Variants in CRYBA4 observed in about 807,000 individuals in gnomAD.
CRYBA4 encodes crystallin beta A4, also known as beta-crystallin A4.
CRYBA4 carries 30 observed loss-of-function variants against 31.7 expected under a neutral mutation model. The observed-to-expected ratio is 0.95, with a 90% CI of 0.71 to 1.28. The LOEUF (loss-of-function observed/expected upper bound fraction) is 1.28. Ranked by LOEUF, CRYBA4 falls within the 50% of genes most tolerant of loss-of-function variation. CRYBA4 has a pLI of 0.00. For missense variants in CRYBA4, 225 were observed against 260.7 expected (o/e 0.86, Z 0.94); for synonymous variants, 102 against 102.3 (o/e 1.00, Z 0.02).
chr22:26,617,788 A>C (rs1929405501), upstream of CRYBA4, among the ~76,000 whole-genome samples: 1 of 142,920 alleles, frequency 7.0e-6, no homozygotes, highest in African/African-American at 2.6e-5. Context: ...TTCTCTCTCT[A>C]TTTCTGTCTT....
chr22:26,614,716 T>C, the CRYBA4 span, among the ~76,000 whole-genome samples: 15 of 152,162 alleles, frequency 9.9e-5, no homozygotes, highest in Non-Finnish European at 8.8e-5. Flanking sequence ...AATCGGCCAG[T>C]TGCGGTGGCT....
chr22:26,602,428 A>T, the CRYBA4 span, among the ~76,000 whole-genome samples: 4 of 151,792 alleles, frequency 2.6e-5, no homozygotes, highest in African/African-American at 7.3e-5. Context: ...TCAAAAAAAT[A>T]ATTTTTTTTT....
rs1282743712 is a variant in CRYBA4, at chr22:26,627,378, T to TTC, written c.301-908_301-907dup. ...CTCCCTCCTTTCTTTCTTTCTTTCT[T>TTC]TCTTTCTTTCTTTCTTTCTTTCTTT... On this transcript the variant is annotated intron_variant, in intron 4 of 5. Transcript: ENST00000354760. 2.0e-4 allele frequency among the ~76,000 whole-genome samples: 14 copies of TTC among 69,358 alleles called. 1 individual carries two copies. Among genetic ancestry groups the TTC allele is most frequent in the Admixed American group, 8.4e-4 (5 of 5,984 alleles). 45.5% of individuals were successfully genotyped at this position (69,358 alleles called of 152,430 possible).
intron 5 of CRYBA4, 81 bp downstream of exon 5, chr22:26,628,511 G>T (rs932132496): frequency 1.7e-5 from 26 of 1,544,362 alleles, no homozygotes; most frequent in Non-Finnish European, 2.0e-5. Flanking sequence ...ACTGTGTGCT[G>T]GGGACTTTTG....
rs1425963153 is a variant in CRYBA4, at chr22:26,623,351, G to T, written c.157G>T (p.Ala53Ser). ...TVRSLKVLSG[A>S]WVGFEHAGFQ... ...GCGATCTTTGAAAGTGCTGAGTGGA[G>T]CGTGAGTCTAGGGGGACACTGAGTT... is the stretch of plus-strand genomic sequence containing the variant. Residue 53 changes from alanine to serine, a missense_variant and splice_region_variant, in exon 3 of 6, where the codon GCG becomes TCG. Physicochemically the swap from Ala to Ser is moderately conservative, Grantham distance 99. Coordinates refer to ENST00000354760, the MANE Select transcript of CRYBA4 (RefSeq NM_001886.3). 1.9e-6 allele frequency: 3 copies of T among 1,611,956 alleles called. No individual in the cohort carries two copies. Among genetic ancestry groups the T allele is most frequent in the African/African-American group, 1.3e-5 (1 of 75,022 alleles).
chr22:26,621,517 G>C (rs1400552167), upstream of CRYBA4, among the ~76,000 whole-genome samples: 3 of 152,258 alleles, frequency 2.0e-5, no homozygotes, highest in African/African-American at 7.2e-5. Context: ...GGGAAAGAGA[G>C]AAGGAAAGGA....
At chr22:26,599,695 C>A in the CRYBA4 span, 1 of 1,608,730 alleles carries the variant, frequency 6.2e-7, no homozygotes, top group Non-Finnish European at 8.5e-7. Context: ...GTGAGAAGGA[C>A]AGAGTGGAGA....
chr22:26,618,122 G>A, upstream of CRYBA4: 1 of 153,580 alleles, frequency 6.5e-6, no homozygotes, highest in Non-Finnish European at 1.5e-5. Flanking sequence ...GCAGGCCTGG[G>A]CAGGGAGTGG....
intron 2 of CRYBA4, 29 bp from the exon 3 acceptor site, chr22:26,623,205 A>G: frequency 6.3e-7 from 1 of 1,577,564 alleles, no homozygotes; most frequent in Non-Finnish European, 8.7e-7. Flanking sequence ...TCTGATGCGG[A>G]TCTCCACCTT....
At chr22:26,608,558 T>G in the CRYBA4 span, among the ~76,000 whole-genome samples, 1 of 152,216 alleles carries the variant, frequency 6.6e-6, no homozygotes, top group African/African-American at 2.4e-5. Context: ...ACTTTTGTGT[T>G]TATTGTTAAT....
chr22:26,629,320 C>A (rs1213630488), intron 5 of CRYBA4, among the ~76,000 whole-genome samples: 1 of 151,412 alleles, frequency 6.6e-6, no homozygotes, highest in Admixed American at 6.6e-5. Flanking sequence ...TCAGGAACCA[C>A]CAAAGAATCA....
At position 26,630,510 on chromosome 22, in the gene CRYBA4, C is replaced by T. The variant is rs768524205; in HGVS notation, c.*23C>T. 47 of 1,605,224 alleles carry T rather than the reference C, an allele frequency of 2.9e-5. No homozygotes were observed. Among genetic ancestry groups the T allele is most frequent in the East Asian group, 1.1e-4 (5 of 44,852 alleles). ...TGAACAGGGGTGCGGCACGGAGGAG[C>T]GCATGCGTGCTTATCTGCAATGGAG... On this transcript the variant is annotated 3_prime_UTR_variant, in exon 6 of 6. Transcript: ENST00000354760.
chr22:26,608,133 A>G, the CRYBA4 span: 1 of 1,491,674 alleles, frequency 6.7e-7, no homozygotes, highest in Non-Finnish European at 9.3e-7. Flanking sequence ...GGACAGTAGG[A>G]AAGTCCAAAG....
chr22:26,625,395 T>TGTGACC (rs1929670189), intron 3 of CRYBA4, 86 bp from the exon 4 acceptor site: 1 of 1,497,176 alleles, frequency 6.7e-7, no homozygotes, highest in African/African-American at 1.4e-5. Flanking sequence ...TGGTTGTGAC[T>TGTGACC]GTGACCGTTC....
the CRYBA4 span, among the ~76,000 whole-genome samples, chr22:26,600,385 G>A: frequency 6.6e-6 from 1 of 151,978 alleles, no homozygotes; most frequent in Non-Finnish European, 1.5e-5. Context: ...CTGAGGGACA[G>A]AGCGAGACTC....
chr22:26,610,890 T>C, the CRYBA4 span, among the ~76,000 whole-genome samples: 1 of 151,976 alleles, frequency 6.6e-6, no homozygotes, highest in African/African-American at 2.4e-5. Context: ...ACCTCAAAGC[T>C]CATCTCGGAA....
At chr22:26,603,715 C>A in the CRYBA4 span, among the ~76,000 whole-genome samples, 1 of 151,716 alleles carries the variant, frequency 6.6e-6, no homozygotes, top group African/African-American at 2.4e-5. Context: ...ACCAGCCTGA[C>A]TAACATGGAG....
At chr22:26,627,357 CTCCTTTCTTTCTTTCTTTCT>C (rs1929736359) in intron 4 of CRYBA4, among the ~76,000 whole-genome samples, 2 of 32,810 alleles carry the variant, frequency 6.1e-5, no homozygotes, top group South Asian at 1.9e-3. Flanking sequence ...CCCTCCCTCC[CTCCTTTCTTTCTTTCTTTCT>C]TTCTTTCTTT....
the CRYBA4 span, among the ~76,000 whole-genome samples, chr22:26,602,196 C>G: frequency 6.6e-6 from 1 of 152,110 alleles, no homozygotes; most frequent in African/African-American, 2.4e-5. Context: ...AATGGGATGA[C>G]AACTCCCACG....
Sources: gnomAD v4.1 joint callset for allele counts (sites outside exome capture counted in the v4.1 genomes callset) on GRCh38, gnomAD v4.1.1 for gene constraint, MANE v1.5 for transcripts, NCBI Gene and HGNC (gene_info 2026-07-23, HGNC 2026-07-21) for gene names.